Variants in DAB1 observed in about 807,000 individuals in gnomAD.
The protein encoded by DAB1 is disabled homolog 1.
In DAB1, 15 loss-of-function variants were observed where a neutral mutation model predicts 64.6. That is an observed-to-expected ratio of 0.23 (90% CI 0.16 to 0.36). The LOEUF (loss-of-function observed/expected upper bound fraction) is 0.36. Ranked by LOEUF, DAB1 falls within the 10% of genes least tolerant of loss-of-function variation. DAB1 has a pLI of 1.00. For missense variants in DAB1, 596 were observed against 706.7 expected, an observed-to-expected ratio of 0.84 and a Z score of 1.78; for synonymous variants, 235 against 251.9, an observed-to-expected ratio of 0.93 and a Z score of 0.64.
intron 2 of DAB1, among the ~76,000 whole-genome samples, chr1:57,218,169 G>A (rs1171827566): frequency 1.3e-5 from 2 of 152,158 alleles, no homozygotes; most frequent in East Asian, 1.9e-4. Context: ...GGTTGGGAAA[G>A]CCGTGGAAGG....
chr1:57,383,086 T>C (rs11207022), intron 1 of DAB1, among the ~76,000 whole-genome samples: 65,356 of 151,726 alleles, frequency 0.43, 14,910 homozygotes, highest in African/African-American at 0.55. Context: ...TGGCAGGGCT[T>C]GGGGGTTGGA....
chr1:57,600,889 A>C (rs553142486), intron 7 of DAB1, among the ~76,000 whole-genome samples: 3 of 152,306 alleles, frequency 2.0e-5, no homozygotes, highest in South Asian at 4.1e-4. Context: ...GGGGGAAAAA[A>C]GTTCAATAAT....
At chr1:58,022,453 T>C (rs1300761958) in intron 5 of DAB1, among the ~76,000 whole-genome samples, 2 of 152,202 alleles carry the variant, frequency 1.3e-5, no homozygotes, top group Non-Finnish European at 2.9e-5. Flanking sequence ...AGACCTGAGT[T>C]TGAGTACAGA....
intron 4 of DAB1, among the ~76,000 whole-genome samples, chr1:57,135,363 T>C (rs931819335): frequency 6.6e-6 from 1 of 152,216 alleles, no homozygotes; most frequent in Non-Finnish European, 1.5e-5. Flanking sequence ...AATATTTGTC[T>C]TTTTGTGCCT....
chr1:58,438,449 C>T (rs951021060), intron 3 of DAB1, among the ~76,000 whole-genome samples: 3 of 152,160 alleles, frequency 2.0e-5, no homozygotes, highest in South Asian at 2.1e-4. Flanking sequence ...AGTTGTGCAG[C>T]AGGTACGAAG....
At chr1:58,093,608 T>C (rs1650808468) in intron 5 of DAB1, among the ~76,000 whole-genome samples, 1 of 150,576 alleles carries the variant, frequency 6.6e-6, no homozygotes, top group African/African-American at 2.4e-5. Context: ...GCCTGGTCCA[T>C]GGAAAAATTG....
chr1:57,253,092 G>C (rs1669475796), intron 2 of DAB1, among the ~76,000 whole-genome samples: 1 of 152,162 alleles, frequency 6.6e-6, no homozygotes, highest in Non-Finnish European at 1.5e-5. Context: ...TGATCCTTGA[G>C]GCTGGGAACA....
At chr1:57,583,691 A>G (rs1366988755) in intron 7 of DAB1, among the ~76,000 whole-genome samples, 1 of 152,200 alleles carries the variant, frequency 6.6e-6, no homozygotes, top group Non-Finnish European at 1.5e-5. Flanking sequence ...CTGTGCATCA[A>G]ACAAATCATA....
intron 3 of DAB1, among the ~76,000 whole-genome samples, chr1:58,387,722 C>CTTTTTTTTTTTT (rs35563837): frequency 1.5e-5 from 1 of 65,526 alleles, no homozygotes; most frequent in Non-Finnish European, 3.3e-5. Flanking sequence ...CTTTTCTTTT[C>CTTTTTTTTTTTT]TTTTTTTTTT....
At chr1:58,467,182 T>C (rs191336194) in intron 3 of DAB1, among the ~76,000 whole-genome samples, 101 of 152,298 alleles carry the variant, frequency 6.6e-4, no homozygotes, top group African/African-American at 2.4e-3. Context: ...ACTCCCCAAG[T>C]TGTGAGGATA....
intron 4 of DAB1, among the ~76,000 whole-genome samples, chr1:58,264,359 T>C (rs991289801): frequency 1.3e-5 from 2 of 152,208 alleles, no homozygotes; most frequent in Admixed American, 1.3e-4. Context: ...TTAGATCCTG[T>C]CTGTAATGTG....
intron 2 of DAB1, among the ~76,000 whole-genome samples, chr1:57,238,628 T>C (rs1668264691): frequency 6.6e-6 from 1 of 152,170 alleles, no homozygotes. Context: ...AAGTCCTTCC[T>C]GCATCCTAAG....
chr1:57,851,111 C>T (rs1653504511), intron 1 of DAB1, among the ~76,000 whole-genome samples: 1 of 152,200 alleles, frequency 6.6e-6, no homozygotes, highest in Admixed American at 6.5e-5. Flanking sequence ...GTCAACAGCC[C>T]TCAGCCTCAG....
At chr1:57,954,101 T>G (rs1015861761) in intron 5 of DAB1, among the ~76,000 whole-genome samples, 1 of 152,172 alleles carries the variant, frequency 6.6e-6, no homozygotes, top group Non-Finnish European at 1.5e-5. Context: ...CTCTATGTGC[T>G]TCCAGTGGGG....
chr1:58,205,960 C>G (rs907386193), intron 4 of DAB1, among the ~76,000 whole-genome samples: 3 of 152,104 alleles, frequency 2.0e-5, no homozygotes, highest in Non-Finnish European at 4.4e-5. Flanking sequence ...CTGAAACTGG[C>G]CAGCTGAGTA....
chr1:58,356,594 G>A (rs1002440018), intron 3 of DAB1, among the ~76,000 whole-genome samples: 5 of 152,128 alleles, frequency 3.3e-5, no homozygotes, highest in African/African-American at 4.8e-5. Context: ...CCAGTCAGCA[G>A]AGAATAGCTC....
intron 11 of DAB1, among the ~76,000 whole-genome samples, chr1:57,022,598 A>G (rs1646656573): frequency 6.6e-6 from 1 of 152,264 alleles, no homozygotes; most frequent in Non-Finnish European, 1.5e-5. Flanking sequence ...ATAAAAGCAC[A>G]GTTTATATTT....
At chr1:57,192,709 C>T (rs1664250134) in intron 2 of DAB1, among the ~76,000 whole-genome samples, 1 of 152,188 alleles carries the variant, frequency 6.6e-6, no homozygotes, top group Non-Finnish European at 1.5e-5. Flanking sequence ...AGAGGCACAG[C>T]AACATCGATG....
At chr1:57,509,512 C>T (rs976880434) in intron 7 of DAB1, among the ~76,000 whole-genome samples, 1 of 152,108 alleles carries the variant, frequency 6.6e-6, no homozygotes, top group African/African-American at 2.4e-5. Context: ...CCACTCACAC[C>T]TTCTTCATTT....
Sources: gnomAD v4.1 joint callset for allele counts (sites outside exome capture counted in the v4.1 genomes callset) on GRCh38, gnomAD v4.1.1 for gene constraint, MANE v1.5 for transcripts, NCBI Gene and HGNC (gene_info 2026-07-23, HGNC 2026-07-21) for gene names.